APP: variants seen among roughly 807,000 people sequenced by gnomAD.
APP encodes amyloid beta precursor protein.
In APP, 31 loss-of-function variants were observed where a neutral mutation model predicts 101.4. That is an observed-to-expected ratio of 0.31 (90% CI 0.23 to 0.41). The LOEUF (loss-of-function observed/expected upper bound fraction) is 0.41, where lower values mean the gene tolerates loss of function less well. Ranked by LOEUF, APP falls within the 10% of genes least tolerant of loss-of-function variation. APP has a pLI of 1.00. For missense variants in APP, 839 were observed against 1,003.7 expected (o/e 0.84, Z 2.22); for synonymous variants, 366 against 364.4 (o/e 1.00, Z -0.05).
chr21:25,897,801 ACTCTT>A, intron 15 of APP, 128 bp from the exon 16 acceptor site: 1 of 747,184 alleles, frequency 1.3e-6, no homozygotes, highest in African/African-American at 1.7e-5. Context: ...TTGATAAATG[ACTCTT>A]AAAGAAAAAT....
chr21:26,104,528 A>C (rs549156604), intron 2 of APP, among the ~76,000 whole-genome samples: 10 of 152,206 alleles, frequency 6.6e-5, no homozygotes, highest in Non-Finnish European at 1.5e-4. Context: ...CAAACTTTAC[A>C]AGGGTTTATA....
chr21:26,111,218 G>A lies in APP; in HGVS notation c.225+761C>T, dbSNP rs142919350. Among the ~76,000 whole-genome samples, 364 of 151,572 alleles carry A rather than the reference G, an allele frequency of 2.4e-3. 1 individual carries two copies. Among genetic ancestry groups the A allele is most frequent in the Non-Finnish European group, 3.6e-3 (247 of 67,970 alleles). ...GGAACAATGAAAATGTTTATCAATA[G>A]AGAATGAGTGAAAAGTGAGCTTTCT... On this transcript the variant is annotated intron_variant, in intron 2 of 17. Coordinates refer to ENST00000346798, the MANE Select transcript of APP (RefSeq NM_000484.4).
intron 11 of APP, among the ~76,000 whole-genome samples, chr21:25,966,542 C>T (rs1221995477): frequency 6.6e-6 from 1 of 152,140 alleles, no homozygotes; most frequent in East Asian, 1.9e-4. Context: ...GGTGGAATGC[C>T]TTAAACATTA....
At chr21:26,156,431 G>C (rs1211676838) in intron 1 of APP, among the ~76,000 whole-genome samples, 2 of 152,178 alleles carry the variant, frequency 1.3e-5, no homozygotes, top group Non-Finnish European at 2.9e-5. Context: ...GGTGAGTCGA[G>C]AGTGAGTACT....
At chr21:26,067,952 A>AT (rs1481511359) in intron 3 of APP, among the ~76,000 whole-genome samples, 1 of 151,966 alleles carries the variant, frequency 6.6e-6, no homozygotes, top group Non-Finnish European at 1.5e-5. Flanking sequence ...AGCCTGATAG[A>AT]TTTTAGAGAC....
rs529645375 is a variant in APP, at chr21:25,888,522, TGAGGGGAAG to T, written c.2211+3191_2211+3199del. On this transcript the variant is annotated intron_variant, in intron 17 of 17. Coordinates refer to ENST00000346798, the MANE Select transcript of APP (RefSeq NM_000484.4). ...TCAGGAAGGACAGTCACAAAGGTCT[TGAGGGGAAG>T]GAGCTGAGAGGAAATAAACAAAACA... 5.9e-3 allele frequency among the ~76,000 whole-genome samples: 905 copies of T among 152,166 alleles called. 3 individuals are homozygous for T. The highest frequency in any genetic ancestry group is 9.5e-3 in the Non-Finnish European group (643 of 67,996).
chr21:26,131,997 T>C (rs1019292157), intron 1 of APP, among the ~76,000 whole-genome samples: 3 of 151,974 alleles, frequency 2.0e-5, no homozygotes, highest in Admixed American at 6.6e-5. Flanking sequence ...CAGTTGTCCA[T>C]AGATGACAAA....
intron 3 of APP, among the ~76,000 whole-genome samples, chr21:26,085,270 G>A (rs914359860): frequency 5.9e-5 from 9 of 152,132 alleles, no homozygotes; most frequent in African/African-American, 2.2e-4. Flanking sequence ...GAAATGCCCA[G>A]CAATTCTGGT....
intron 8 of APP, among the ~76,000 whole-genome samples, chr21:25,991,729 G>C (rs2042873075): frequency 6.6e-6 from 1 of 152,146 alleles, no homozygotes; most frequent in South Asian, 2.1e-4. Context: ...TTGTCTATTT[G>C]TTTACTTATT....
At chr21:25,953,844 A>G (rs546485752) in intron 13 of APP, among the ~76,000 whole-genome samples, 12 of 152,340 alleles carry the variant, frequency 7.9e-5, no homozygotes, top group African/African-American at 2.2e-4. Flanking sequence ...TGGGCACACA[A>G]GGTCAGTTTC....
At chr21:26,011,722 G>GT (rs1349342026) in intron 6 of APP, among the ~76,000 whole-genome samples, 1 of 150,944 alleles carries the variant, frequency 6.6e-6, no homozygotes, top group East Asian at 2.0e-4. Flanking sequence ...GAAATCCTGG[G>GT]TAACAAATGC....
rs141631275 is a variant in APP, at chr21:26,035,766, C to T, written c.663-13724G>A. ...CAGCGCATGTGTCAGGGAGAGAGAA[C>T]GAGAGCAGAGATTAGCAGGATACGG... On this transcript the variant is annotated intron_variant, in intron 5 of 17. Coordinates refer to ENST00000346798, the MANE Select transcript of APP (RefSeq NM_000484.4). 9.0e-3 allele frequency among the ~76,000 whole-genome samples: 1,374 copies of T among 152,106 alleles called. 18 individuals are homozygous for T. The highest frequency in any genetic ancestry group is 0.03 in the African/African-American group (1,240 of 41,478).
intron 13 of APP, among the ~76,000 whole-genome samples, chr21:25,943,401 C>T (rs2040662293): frequency 6.6e-6 from 1 of 150,686 alleles, no homozygotes; most frequent in Non-Finnish European, 1.5e-5. Flanking sequence ...ATCTGCCCAC[C>T]TCGGCCTCCC....
chr21:26,158,186 A>C lies in APP; in HGVS notation c.57+12378T>G, dbSNP rs538003768. 3.3e-5 allele frequency: 5 copies of C among 152,316 alleles called. No individual in the cohort carries two copies. The East Asian group carries it at 9.6e-4, about 29-fold the overall frequency. The allele number at this position is 152,316 out of a possible 1,614,324, so 9.4% of individuals were successfully genotyped here. ...AGCTCTTGGATGTTTCTACCATAAA[A>C]ATGAGAAAGCATTTCCTACCTCCTC... On this transcript the variant is annotated intron_variant, in intron 1 of 17. Transcript: ENST00000346798.
intron 14 of APP, among the ~76,000 whole-genome samples, chr21:25,911,518 T>TA (rs889736730): frequency 6.6e-6 from 1 of 152,194 alleles, no homozygotes; most frequent in African/African-American, 2.4e-5. Context: ...CTTTGCAGCA[T>TA]AAAAAATATA....
chr21:26,035,902 T>C (rs2045086803), intron 5 of APP, among the ~76,000 whole-genome samples: 1 of 152,348 alleles, frequency 6.6e-6, no homozygotes, highest in African/African-American at 2.4e-5. Context: ...TGATGAGTTC[T>C]AGGTTCTCAG....
chr21:25,977,302 G>A (rs938293102), intron 9 of APP, among the ~76,000 whole-genome samples: 2 of 152,202 alleles, frequency 1.3e-5, no homozygotes, highest in African/African-American at 2.4e-5. Context: ...TGTTTGAAGT[G>A]CAACTCTGAA....
intron 3 of APP, among the ~76,000 whole-genome samples, chr21:26,082,882 T>C (rs1362375585): frequency 1.3e-5 from 2 of 152,238 alleles, no homozygotes; most frequent in Non-Finnish European, 2.9e-5. Flanking sequence ...TGGTCAATTT[T>C]GTAGGACTTA....
Position 26,031,668 on chromosome 21 carries a change from A to G in APP, c.663-9626T>C, listed in dbSNP as rs558671420. Reference sequence around the variant, plus strand: ...ACTTATTCATTATCGCAAGAATAGTACAGAGAAGATCAGCCCCCATGAATC... The same window carrying G: ...ACTTATTCATTATCGCAAGAATAGTGCAGAGAAGATCAGCCCCCATGAATC... On this transcript the variant is annotated intron_variant, in intron 5 of 17. Coordinates refer to ENST00000346798, the MANE Select transcript of APP (RefSeq NM_000484.4). 3.3e-5 allele frequency among the ~76,000 whole-genome samples: 5 copies of G among 150,836 alleles called. No homozygotes were observed. In the South Asian group the frequency reaches 8.5e-4, roughly 26 times the overall value.
Sources: allele counts gnomAD v4.1 joint callset (sites outside exome capture counted in the v4.1 genomes callset), GRCh38; gene constraint gnomAD v4.1.1; transcripts MANE v1.5; gene names NCBI Gene and HGNC (gene_info 2026-07-23, HGNC 2026-07-21).